The following FUT8 variants were observed in gnomAD, a reference collection of about 807,000 sequenced individuals.
FUT8 encodes the protein alpha-(1,6)-fucosyltransferase.
Under a neutral mutation model 71.3 loss-of-function variants are expected in FUT8, and 29 were observed. That is an observed-to-expected ratio of 0.41 (90% CI 0.30 to 0.55). FUT8 has a LOEUF of 0.55. FUT8 is among the 20% of genes least tolerant of loss of function. FUT8 has a pLI of 0.34. For missense variants in FUT8, 544 were observed against 702.1 expected, an observed-to-expected ratio of 0.77 and a Z score of 2.55; for synonymous variants, 254 against 239.3, an observed-to-expected ratio of 1.06 and a Z score of -0.57.
rs79584492 is a variant in FUT8, at chr14:65,643,654, T to A, written c.597+14048T>A. Among the ~76,000 whole-genome samples, 8,818 of 118,244 alleles carry A rather than the reference T, an allele frequency of 0.075. 515 individuals are homozygous for A. Among genetic ancestry groups the A allele is most frequent in the African/African-American group, 0.19 (5,602 of 30,116 alleles). 77.6% of individuals were successfully genotyped at this position (118,244 alleles called of 152,430 possible). On this transcript the variant is annotated intron_variant, in intron 6 of 10. Coordinates refer to ENST00000673929, the MANE Select transcript of FUT8 (RefSeq NM_001371533.1). This position sits in a 1 kb window ranked among gnomAD's most constrained non-coding sequence, Gnocchi z 4.5. Reference sequence around the variant, plus strand: ...GGGCGACAGAGCGAGACTCCGTCTTTAAAAAAAAAATACACACACACACAC... The same window carrying A: ...GGGCGACAGAGCGAGACTCCGTCTTAAAAAAAAAAATACACACACACACAC...
intron 7 of FUT8, among the ~76,000 whole-genome samples, chr14:65,677,285 G>A (rs1182924973): frequency 6.6e-6 from 1 of 152,056 alleles, no homozygotes; most frequent in Non-Finnish European, 1.5e-5. Context: ...CTTCTTAGAT[G>A]ATACTTTGGT....
chr14:65,722,802 G>A (rs1441703858), intron 8 of FUT8, among the ~76,000 whole-genome samples: 1 of 152,164 alleles, frequency 6.6e-6, no homozygotes, highest in East Asian at 1.9e-4. Context: ...GAATAGCCGT[G>A]AAGATGGCAG....
chr14:65,584,199 A>T (rs1887251569), intron 3 of FUT8, among the ~76,000 whole-genome samples: 1 of 141,670 alleles, frequency 7.1e-6, no homozygotes, highest in Non-Finnish European at 1.5e-5. Context: ...TTTTTTTGAG[A>T]CAGAGTTTCA....
chr14:65,637,595 A>ATATT (rs1326482002), intron 6 of FUT8, among the ~76,000 whole-genome samples: 42 of 152,216 alleles, frequency 2.8e-4, no homozygotes, highest in Admixed American at 2.7e-3. Context: ...AGATTTATTT[A>ATATT]TATTTATTTA....
chr14:65,377,564 GAAA>G, the FUT8 span, among the ~76,000 whole-genome samples: 3 of 152,122 alleles, frequency 2.0e-5, no homozygotes, highest in African/African-American at 7.2e-5. Flanking sequence ...ACAGACATTG[GAAA>G]AATAGTCATT....
chr14:65,480,965 T>C (rs570830837), intron 2 of FUT8, among the ~76,000 whole-genome samples: 54 of 152,110 alleles, frequency 3.6e-4, no homozygotes, highest in Non-Finnish European at 6.6e-4. Context: ...GCTAGAATTA[T>C]AGGCATGACC....
intron 7 of FUT8, among the ~76,000 whole-genome samples, chr14:65,705,118 A>G (rs1181637791): frequency 6.6e-6 from 1 of 152,124 alleles, no homozygotes; most frequent in Non-Finnish European, 1.5e-5. Flanking sequence ...CTTCAAGTTG[A>G]CAGTAATAAT....
At chr14:65,688,589 A>G (rs1415016553) in intron 7 of FUT8, among the ~76,000 whole-genome samples, 2 of 151,886 alleles carry the variant, frequency 1.3e-5, no homozygotes, top group Non-Finnish European at 2.9e-5. Context: ...ACCTTTCACA[A>G]AAATGAACTC....
At chr14:65,582,659 T>C (rs1887155564) in intron 3 of FUT8, among the ~76,000 whole-genome samples, 1 of 152,224 alleles carries the variant, frequency 6.6e-6, no homozygotes, top group Non-Finnish European at 1.5e-5. Context: ...CTCCTGTCAT[T>C]GTACTCTCCA....
At chr14:65,531,952 C>T (rs927906327) in intron 2 of FUT8, among the ~76,000 whole-genome samples, 4 of 152,072 alleles carry the variant, frequency 2.6e-5, no homozygotes, top group Non-Finnish European at 5.9e-5. Flanking sequence ...TACATGATCT[C>T]ATTTTTTTTT....
chr14:65,643,586 G>A lies in FUT8; in HGVS notation c.597+13980G>A, dbSNP rs572757791. ...GGAGAATGGCGTGAACCTGGGAGGC[G>A]GAGCTTGCAGTGAGCAGAGATCATG... On this transcript the variant is annotated intron_variant, in intron 6 of 10. Coordinates refer to ENST00000673929, the MANE Select transcript of FUT8 (RefSeq NM_001371533.1). This position sits in a 1 kb window ranked among gnomAD's most constrained non-coding sequence, Gnocchi z 4.5. Among the ~76,000 whole-genome samples the A allele has an allele frequency of 1.1e-3, 169 of 151,686 alleles. No homozygotes were observed. Among genetic ancestry groups the A allele is most frequent in the African/African-American group, 3.7e-3 (152 of 41,312 alleles).
chr14:65,478,958 T>G (rs1273986199), intron 2 of FUT8, among the ~76,000 whole-genome samples: 1 of 152,224 alleles, frequency 6.6e-6, no homozygotes, highest in Non-Finnish European at 1.5e-5. Flanking sequence ...AATATAACAG[T>G]GAAAATTCCC....
rs1891924959 is a variant in FUT8 at position 65,660,850 on chromosome 14, A to G, written c.598-8393A>G. Among the ~76,000 whole-genome samples the G allele has an allele frequency of 6.6e-6, 1 of 152,104 alleles. No homozygotes were observed. Among genetic ancestry groups the G allele is most frequent in the South Asian group, 2.1e-4 (1 of 4,832 alleles). The stretch of plus-strand genomic sequence containing the variant: ...GTACTTCAGTTCTCTTATTTGCTTC[A>G]TTACCTTTTCTCCTTGGTTTTGAAA... On this transcript the variant is annotated intron_variant, in intron 6 of 10. Coordinates refer to ENST00000673929, the MANE Select transcript of FUT8 (RefSeq NM_001371533.1). This position sits in a 1 kb window ranked among gnomAD's most constrained non-coding sequence, Gnocchi z 4.1.
At chr14:65,622,835 C>T (rs570735577) in intron 5 of FUT8, among the ~76,000 whole-genome samples, 20 of 151,990 alleles carry the variant, frequency 1.3e-4, no homozygotes, top group African/African-American at 4.8e-4. Flanking sequence ...GTCACATTTA[C>T]CCCCGTAAGT....
intron 2 of FUT8, among the ~76,000 whole-genome samples, chr14:65,554,297 A>G (rs1358946171): frequency 6.6e-6 from 1 of 151,300 alleles, no homozygotes; most frequent in African/African-American, 2.4e-5. Flanking sequence ...AGATCCTTTA[A>G]TATATCAATT....
chr14:65,484,797 C>T (rs1043207970), intron 2 of FUT8, among the ~76,000 whole-genome samples: 5 of 152,110 alleles, frequency 3.3e-5, no homozygotes, highest in Non-Finnish European at 7.3e-5. Flanking sequence ...CTTGATGTTG[C>T]CCCACAGTTC....
chr14:65,525,235 T>G (rs1883369679), intron 2 of FUT8, among the ~76,000 whole-genome samples: 1 of 152,214 alleles, frequency 6.6e-6, no homozygotes, highest in Admixed American at 6.5e-5. Flanking sequence ...TTGCCTCAAT[T>G]TCAGAGCCTG....
intron 5 of FUT8, among the ~76,000 whole-genome samples, chr14:65,620,694 A>G (rs1193451078): frequency 3.9e-5 from 6 of 152,154 alleles, no homozygotes; most frequent in Non-Finnish European, 5.9e-5. Flanking sequence ...AGACAGAGAG[A>G]GGAAGGGAGG....
At position 65,649,691 on chromosome 14, in the gene FUT8, A is replaced by G. The variant is rs370589761; in HGVS notation, c.598-19552A>G. On this transcript the variant is annotated intron_variant, in intron 6 of 10. Coordinates refer to ENST00000673929, the MANE Select transcript of FUT8 (RefSeq NM_001371533.1). ...TGAATAATCTCCTTAAGTTTTCACT[A>G]TGAGAGTTCATTTCAAATAAATGTT... Among the ~76,000 whole-genome samples, 20 of 152,350 alleles carry G rather than the reference A, an allele frequency of 1.3e-4. 3 individuals carry two copies. Among genetic ancestry groups the G allele is most frequent in the African/African-American group, 4.3e-4 (18 of 41,588 alleles).
Sources: gnomAD v4.1 joint callset for allele counts (sites outside exome capture counted in the v4.1 genomes callset) on GRCh38, gnomAD v4.1.1 for gene constraint, Gnocchi (gnomAD v3.1) non-coding constraint, MANE v1.5 for transcripts, NCBI Gene and HGNC (gene_info 2026-07-23, HGNC 2026-07-21) for gene names.